Variants in SYNE2 observed in about 807,000 individuals in gnomAD.
The protein encoded by SYNE2 is spectrin repeat containing nuclear envelope protein 2, also known as nesprin-2.
Under a neutral mutation model 856.3 loss-of-function variants are expected in SYNE2, and 431 were observed. The observed-to-expected ratio is 0.50, with a 90% CI of 0.47 to 0.55. SYNE2 has a LOEUF of 0.55. Ranked by LOEUF, SYNE2 falls within the 20% of genes least tolerant of loss-of-function variation. The probability of loss-of-function intolerance (pLI) is 0.00; values close to 1 mark genes in which losing one functional copy is unlikely to be tolerated. For synonymous variants in SYNE2, 2,923 were observed against 2,872.3 expected, an observed-to-expected ratio of 1.02 and a Z score of -0.56; for missense variants, 8,129 against 8,023.2, an observed-to-expected ratio of 1.01 and a Z score of -0.50.
At position 63,828,733 on chromosome 14, in the gene SYNE2, A is replaced by AAAATAAATAAATAAAT. The variant is rs922718412; in HGVS notation, c.-304-23756_-304-23741dup. On this transcript the variant is annotated intron_variant, in intron 1 of 23. Coordinates refer to the SYNE2 transcript ENST00000674003. Reference sequence around the variant, plus strand: ...GCAACAGAGTGAGACTCCATCTCAAAAAATAAATAAATAAATAAATAAATA... The same window carrying AAAATAAATAAATAAAT: ...GCAACAGAGTGAGACTCCATCTCAAAAAATAAATAAATAAATAAATAAATAAATAAATAAATAAATA... Among the ~76,000 whole-genome samples the AAAATAAATAAATAAAT allele has an allele frequency of 2.4e-4, 36 of 152,118 alleles. 1 individual carries two copies. Among genetic ancestry groups the AAAATAAATAAATAAAT allele is most frequent in the African/African-American group, 8.4e-4 (35 of 41,494 alleles).
chr14:63,938,695 G>A (rs1474118558), intron 2 of SYNE2, among the ~76,000 whole-genome samples: 1 of 152,132 alleles, frequency 6.6e-6, no homozygotes, highest in Non-Finnish European at 1.5e-5. Flanking sequence ...TGCAGGGGAA[G>A]TGGTATTCTC....
At chr14:63,954,293 C>T (rs1432405828) in intron 7 of SYNE2, among the ~76,000 whole-genome samples, 2 of 152,048 alleles carry the variant, frequency 1.3e-5, no homozygotes, top group Non-Finnish European at 2.9e-5. Flanking sequence ...CTTGACCTTC[C>T]CTGTATGTAG....
chr14:63,820,594 G>T (rs75129370), intron 1 of SYNE2, among the ~76,000 whole-genome samples: 1,599 of 152,132 alleles, frequency 0.011, 31 homozygotes, highest in African/African-American at 0.036. Flanking sequence ...CACTGCTAAG[G>T]AATGAAAAGA....
intron 63 of SYNE2, 93 bp downstream of exon 63, chr14:64,098,914 A>AT (rs749316651): frequency 4.6e-5 from 56 of 1,220,400 alleles, no homozygotes; most frequent in Non-Finnish European, 1.2e-5. Flanking sequence ...AAACCTAAGA[A>AT]TTTTTAAAAT....
At chr14:64,198,779 G>T (rs1016581608) in intron 99 of SYNE2, among the ~76,000 whole-genome samples, 18 of 152,192 alleles carry the variant, frequency 1.2e-4, no homozygotes, top group African/African-American at 4.3e-4. Flanking sequence ...GAAGGGCTCT[G>T]ATATGCTCTG....
chr14:63,829,481 G>A (rs1033919455), intron 1 of SYNE2, among the ~76,000 whole-genome samples: 8 of 151,866 alleles, frequency 5.3e-5, no homozygotes, highest in Non-Finnish European at 1.2e-4. Flanking sequence ...GTTAATCACA[G>A]AGTTACCATA....
rs146364732 is a variant in SYNE2 at position 64,176,653 on chromosome 14, CAA to C, written c.17431-703_17431-702del. On this transcript the variant is annotated intron_variant, in intron 95 of 115. Coordinates refer to ENST00000555002, the MANE Select transcript of SYNE2 (RefSeq NM_182914.3). ...TCTGTGGTGCTGTCATAGCATATAC[CAA>C]AGACTGTCAATGCTAACAGTTACTC... Among the ~76,000 whole-genome samples the C allele has an allele frequency of 2.5e-3, 375 of 152,202 alleles. 1 individual carries two copies. Among genetic ancestry groups the C allele is most frequent in the African/African-American group, 8.7e-3 (360 of 41,504 alleles).
intron 92 of SYNE2, among the ~76,000 whole-genome samples, chr14:64,168,069 A>G (rs2098390914): frequency 1.3e-5 from 2 of 152,170 alleles, no homozygotes; most frequent in Non-Finnish European, 1.5e-5. Flanking sequence ...GCTGACATGT[A>G]TTTGAAAATA....
chr14:64,212,321 C>T (rs370689732), intron 104 of SYNE2, among the ~76,000 whole-genome samples: 18 of 152,296 alleles, frequency 1.2e-4, no homozygotes, highest in African/African-American at 4.3e-4. Context: ...AACAGAGGTC[C>T]GCTCTCCCAT....
rs776446154 is a variant in SYNE2, at chr14:64,113,330, AT to A, written c.12610-8del. 3 of 1,613,076 alleles carry A rather than the reference AT, an allele frequency of 1.9e-6. No homozygotes were observed. The African/African-American group carries it at 4.0e-5, about 22-fold the overall frequency. On this transcript the variant is annotated splice_polypyrimidine_tract_variant and intron_variant, in intron 65 of 115. Transcript: ENST00000555002. ...TTTGGACTCCCTGGCTTATCTTTGG[AT>A]TTCTCTTAGGGCACCACACCTCCTA... is the stretch of plus-strand genomic sequence containing the variant.
In SYNE2 at chr14:63,821,627, G is replaced by A. The variant is rs370998594; in HGVS notation, c.-304-30874G>A. On this transcript the variant is annotated intron_variant, in intron 1 of 23. Transcript: ENST00000674003. The stretch of plus-strand genomic sequence containing the variant: ...AAATTAGCTGGGCATGGCAGTGCAC[G>A]CCTGTAGTCCAGCTACTTGGGAGGC... 1.9e-4 allele frequency among the ~76,000 whole-genome samples: 29 copies of A among 151,706 alleles called. No individual in the cohort carries two copies. The East Asian group carries it at 3.3e-3, about 17-fold the overall frequency.
At chr14:64,138,559 G>A (rs543906644) in intron 79 of SYNE2, among the ~76,000 whole-genome samples, 33 of 152,134 alleles carry the variant, frequency 2.2e-4, no homozygotes, top group Non-Finnish European at 4.7e-4. Flanking sequence ...ATAGAAGCTA[G>A]GAATTATGTT....
At position 64,081,524 on chromosome 14, in the gene SYNE2, A is replaced by G. The variant is rs746322457; in HGVS notation, c.11428A>G (p.Asn3810Asp). The change falls in exon 57 of 116, where the codon AAT becomes GAT. Residue 3810 changes from asparagine (N) to aspartate (D), a missense_variant. Physicochemically the swap from Asn to Asp is conservative, Grantham distance 23. Around this residue, in one of 3 missense-constraint regions of SYNE2, gnomAD observed 5,410 missense variants for 5,284.8 expected, o/e 1.02. Transcript: ENST00000555002. The stretch of plus-strand genomic sequence containing the variant: ...AGAAAATACCAGTCATTTGCTGGCC[A>G]ATCCTGCTGACTATGACTCTTTGAG... ...WIENTSHLLA[N>D]PADYDSLRTL... The G allele has an allele frequency of 6.2e-7, 1 of 1,614,182 alleles. No individual in the cohort carries two copies. Among genetic ancestry groups the G allele is most frequent in the Admixed American group, 1.7e-5 (1 of 60,024 alleles).
rs764487007 is a variant in SYNE2, at chr14:64,130,064, T to C, written c.14156T>C (p.Met4719Thr). The part of the protein sequence containing the change: ...VYKLEDVLDS[M>T]WGMLRARYTE... ...TCTTTTCAGGATGTACTTGACAGTA[T>C]GTGGGGAATGCTAAGAGCCAGGTAC... The change falls in exon 76 of 116, where the codon ATG becomes ACG. Residue 4719 changes from methionine to threonine, a missense_variant. Met to Thr is a moderately conservative substitution (Grantham distance 81). Around this residue, in one of 3 missense-constraint regions of SYNE2, gnomAD observed 5,410 missense variants for 5,284.8 expected, o/e 1.02. Transcript: ENST00000555002. 8 of 1,613,918 alleles carry C rather than the reference T, an allele frequency of 5.0e-6. No individual in the cohort carries two copies. Among genetic ancestry groups the C allele is most frequent in the Non-Finnish European group, 6.8e-6 (8 of 1,180,024 alleles).
At chr14:63,937,941 T>G (rs2095853301) in intron 2 of SYNE2, among the ~76,000 whole-genome samples, 1 of 152,164 alleles carries the variant, frequency 6.6e-6, no homozygotes, top group South Asian at 2.1e-4. Flanking sequence ...GTTGATGAAC[T>G]GAAATGATTG....
Position 64,070,714 on chromosome 14 carries a change from G to A in SYNE2, c.10501G>A (p.Ala3501Thr). 6.2e-7 allele frequency: 1 copy of A among 1,614,004 alleles called. No individual in the cohort carries two copies. Among genetic ancestry groups the A allele is most frequent in the Non-Finnish European group, 8.5e-7 (1 of 1,179,988 alleles). ...ELPEISKTKE[A>T]ATTEELSELL... Reference sequence around the variant, plus strand: ...CCCTGAAATTTCCAAAACAAAAGAGGCAGCCACCACAGAGGAACTCTCTGA... The same window carrying A: ...CCCTGAAATTTCCAAAACAAAAGAGACAGCCACCACAGAGGAACTCTCTGA... The change falls in exon 52 of 116, where the codon GCA (alanine) becomes ACA (threonine). Residue 3501 changes from alanine to threonine, a missense_variant. Ala to Thr is a moderately conservative substitution (Grantham distance 58). Around this residue, in one of 3 missense-constraint regions of SYNE2, gnomAD observed 5,410 missense variants for 5,284.8 expected, o/e 1.02. Transcript: ENST00000555002.
At chr14:64,079,887 A>G (rs1595375519) in intron 55 of SYNE2, among the ~76,000 whole-genome samples, 1 of 152,038 alleles carries the variant, frequency 6.6e-6, no homozygotes, top group East Asian at 1.9e-4. Context: ...TTTTGTAGAG[A>G]CGGTGTTTCC....
chr14:64,149,072 C>G (rs1361987231), intron 84 of SYNE2, among the ~76,000 whole-genome samples: 1 of 150,048 alleles, frequency 6.7e-6, no homozygotes, highest in Non-Finnish European at 1.5e-5. Context: ...ATTTGGGAGG[C>G]TAAGGCAGAA....
At chr14:64,013,254 T>C (rs2096861443) in intron 32 of SYNE2, among the ~76,000 whole-genome samples, 1 of 152,136 alleles carries the variant, frequency 6.6e-6, no homozygotes, top group South Asian at 2.1e-4. Flanking sequence ...ATGAAGTATA[T>C]CAATTAAATG....
Sources: gnomAD v4.1 joint callset for allele counts (sites outside exome capture counted in the v4.1 genomes callset) on GRCh38, gnomAD v4.1.1 for gene constraint, gnomAD v4.1.1 regional missense constraint, MANE v1.5 for transcripts, NCBI Gene and HGNC (gene_info 2026-07-23, HGNC 2026-07-21) for gene names.